NT5DC3: variants seen among roughly 807,000 people sequenced by gnomAD.
NT5DC3 encodes the protein 5'-nucleotidase domain-containing protein 3.
Under a neutral mutation model 67.8 loss-of-function variants are expected in NT5DC3, and 42 were observed. The ratio of observed to expected loss-of-function variants is 0.62; its 90% confidence interval spans 0.48 to 0.80. The LOEUF (loss-of-function observed/expected upper bound fraction) is 0.80. NT5DC3 is among the 30% of genes least tolerant of loss of function. The pLI is 0.00. For missense variants in NT5DC3, 570 were observed against 696.4 expected (o/e 0.82, Z 2.04); for synonymous variants, 237 against 255.6 (o/e 0.93, Z 0.69).
downstream of NT5DC3, chr12:103,770,325 T>G (rs1254358922): frequency 6.6e-6 from 1 of 152,214 alleles, no homozygotes; most frequent in Non-Finnish European, 1.5e-5. Context: ...AAATACATAC[T>G]TGGTAAAATC....
chr12:103,816,433 G>T lies in NT5DC3; in HGVS notation c.209-1312C>A, dbSNP rs542185272. ...TTTCCTATTTAATAAAAATAACACT[G>T]CAATGAGCACCTTCATGTGTTAATC... On this transcript the variant is annotated intron_variant, in intron 1 of 13. Coordinates refer to ENST00000392876, the MANE Select transcript of NT5DC3 (RefSeq NM_001031701.3). 6.4e-4 allele frequency among the ~76,000 whole-genome samples: 98 copies of T among 152,284 alleles called. 1 individual carries two copies. The highest frequency in any genetic ancestry group is 2.4e-3 in the African/African-American group (98 of 41,570).
intron 1 of NT5DC3, among the ~76,000 whole-genome samples, chr12:103,840,381 A>G (rs1888335958): frequency 3.0e-4 from 18 of 60,652 alleles, no homozygotes; most frequent in African/African-American, 7.7e-4. Context: ...CGCACAGCTC[A>G]TCTCATCTCA....
the NT5DC3 span, among the ~76,000 whole-genome samples, chr12:103,751,550 T>C: frequency 6.6e-6 from 1 of 152,144 alleles, no homozygotes; most frequent in South Asian, 2.1e-4. Context: ...GGATATTCTA[T>C]GGTCTAGGTA....
intron 1 of NT5DC3, among the ~76,000 whole-genome samples, chr12:103,822,260 A>G (rs967946250): frequency 1.3e-4 from 20 of 152,122 alleles, no homozygotes; most frequent in African/African-American, 4.8e-4. Flanking sequence ...TTTAACACCT[A>G]TGCATCTAAA....
chr12:103,818,381 C>CT (rs775516672), intron 1 of NT5DC3, among the ~76,000 whole-genome samples: 441 of 142,576 alleles, frequency 3.1e-3, no homozygotes, highest in Middle Eastern at 0.015. Context: ...CGACCATGGC[C>CT]TTTTTTTTTT....
At chr12:103,822,654 A>C (rs575596686) in intron 1 of NT5DC3, among the ~76,000 whole-genome samples, 2 of 152,096 alleles carry the variant, frequency 1.3e-5, no homozygotes, top group Non-Finnish European at 2.9e-5. Flanking sequence ...GGGGTGTTCT[A>C]TTCTTGTTTT....
At chr12:103,830,555 T>C (rs1887883755) in intron 1 of NT5DC3, among the ~76,000 whole-genome samples, 1 of 152,240 alleles carries the variant, frequency 6.6e-6, no homozygotes, top group Non-Finnish European at 1.5e-5. Flanking sequence ...GTTTTCATAA[T>C]ATCCATCTCT....
the NT5DC3 span, among the ~76,000 whole-genome samples, chr12:103,762,977 G>A: frequency 6.6e-6 from 1 of 152,124 alleles, no homozygotes; most frequent in Non-Finnish European, 1.5e-5. Flanking sequence ...CTCCTCTCTG[G>A]CCCACCCTCT....
At chr12:103,806,527 TTAA>T in intron 3 of NT5DC3, 150 bp from the exon 4 acceptor site, 1 of 659,078 alleles carries the variant, frequency 1.5e-6, no homozygotes, top group Non-Finnish European at 2.7e-6. Context: ...TGCTTGTTAA[TTAA>T]TGTGCTGTAC....
chr12:103,781,878 C>G (rs1885566907), intron 12 of NT5DC3, among the ~76,000 whole-genome samples: 1 of 152,182 alleles, frequency 6.6e-6, no homozygotes, highest in Non-Finnish European at 1.5e-5. Flanking sequence ...AGTGGTTGTT[C>G]ATGGGCATAA....
the NT5DC3 span, among the ~76,000 whole-genome samples, chr12:103,757,000 T>A: frequency 0.067 from 1,007 of 15,024 alleles, 17 homozygotes; most frequent in African/African-American, 0.31. Context: ...AGGGAAAATA[T>A]ATATATATAT....
the NT5DC3 span, chr12:103,755,427 CAA>C: frequency 2.5e-6 from 4 of 1,614,132 alleles, no homozygotes; most frequent in South Asian, 4.4e-5. Context: ...CTAGACCCAA[CAA>C]GAGTGAAATG....
chr12:103,807,100 G>C (rs889332187), intron 2 of NT5DC3, among the ~76,000 whole-genome samples, 171 bp from the exon 3 acceptor site: 2 of 152,156 alleles, frequency 1.3e-5, no homozygotes, highest in African/African-American at 4.8e-5. Flanking sequence ...GCGCCTCCTA[G>C]CAAGCACGCT....
the NT5DC3 span, among the ~76,000 whole-genome samples, chr12:103,760,660 G>T: frequency 6.6e-6 from 1 of 152,142 alleles, no homozygotes; most frequent in African/African-American, 2.4e-5. Context: ...CGGTGGAGGT[G>T]GTGATAACCA....
chr12:103,761,397 C>A, the NT5DC3 span: 3 of 1,613,592 alleles, frequency 1.9e-6, no homozygotes, highest in South Asian at 3.3e-5. Context: ...TTAAAAGCAC[C>A]CCCTGCCCCC....
At position 103,794,524 on chromosome 12, in the gene NT5DC3, C is replaced by T. The variant is rs149591015; in HGVS notation, c.754-527G>A. 3.8e-4 allele frequency among the ~76,000 whole-genome samples: 58 copies of T among 152,292 alleles called. 1 individual carries two copies. The East Asian group carries it at 0.01, about 27-fold the overall frequency. On this transcript the variant is annotated intron_variant, in intron 6 of 13. Transcript: ENST00000392876. Reference sequence around the variant, plus strand: ...ATGGTGATGGTGGCAATTTCCAATGCAATTTTCAAAAGAGTGCTTGGAAGA... The same window carrying T: ...ATGGTGATGGTGGCAATTTCCAATGTAATTTTCAAAAGAGTGCTTGGAAGA...
chr12:103,823,665 T>C (rs1247007787), intron 1 of NT5DC3, among the ~76,000 whole-genome samples: 1 of 152,202 alleles, frequency 6.6e-6, no homozygotes, highest in Non-Finnish European at 1.5e-5. Context: ...CTTCAAATTC[T>C]CCTTTAAAAG....
chr12:103,785,271 C>T (rs1258632580), intron 12 of NT5DC3, 64 bp downstream of exon 12: 1 of 1,496,146 alleles, frequency 6.7e-7, no homozygotes. Flanking sequence ...CAGAAAATAC[C>T]TGAAGTAACT....
At position 103,785,428 on chromosome 12, in the gene NT5DC3, C is replaced by T; in HGVS notation, c.1236G>A (p.Glu412=). 6.2e-7 allele frequency: 1 copy of T among 1,614,136 alleles called. No individual in the cohort carries two copies. The highest frequency in any genetic ancestry group is 8.5e-7 in the Non-Finnish European group (1 of 1,179,992). Residue 412 remains glutamate (E), a synonymous_variant, in exon 12 of 14, where the codon GAG becomes GAA. Transcript: ENST00000392876. ...HGWRTGAIIP[E]LRSELKIMNT... ...TCATGATTTTGAGCTCAGATCTCAA[C>T]TCTGGGATGATTGCACCAGTCCTCC... is the stretch of plus-strand genomic sequence containing the variant.
Sources: allele counts gnomAD v4.1 joint callset (sites outside exome capture counted in the v4.1 genomes callset), GRCh38; gene constraint gnomAD v4.1.1; transcripts MANE v1.5; gene names NCBI Gene and HGNC (gene_info 2026-07-23, HGNC 2026-07-21).